Variants in DPP10 observed in about 807,000 individuals in gnomAD.
The protein encoded by DPP10 is dipeptidyl peptidase like 10.
In DPP10, 33 loss-of-function variants were observed where a neutral mutation model predicts 120.9. That is an observed-to-expected ratio of 0.27 (90% CI 0.21 to 0.37). DPP10 has a LOEUF of 0.37. DPP10 is among the 10% of genes least tolerant of loss of function. The pLI is 1.00. For missense variants in DPP10, 816 were observed against 942.8 expected, an observed-to-expected ratio of 0.87 and a Z score of 1.76; for synonymous variants, 337 against 326.1, an observed-to-expected ratio of 1.03 and a Z score of -0.36.
At chr2:115,381,130 T>C in intron 3 of DPP10, among the ~76,000 whole-genome samples, 1 of 152,350 alleles carries the variant, frequency 6.6e-6, no homozygotes, top group African/African-American at 2.4e-5. Flanking sequence ...TTCTCCTGGA[T>C]AATATCCTGC....
chr2:115,215,639 G>A (rs956173957), intron 1 of DPP10, among the ~76,000 whole-genome samples: 39 of 151,560 alleles, frequency 2.6e-4, no homozygotes, highest in African/African-American at 9.0e-4. Flanking sequence ...TGGAGAAAAG[G>A]GAACATATAC....
intron 1 of DPP10, among the ~76,000 whole-genome samples, chr2:115,000,016 G>GA (rs1553468220): frequency 1.3e-5 from 2 of 150,674 alleles, no homozygotes; most frequent in Non-Finnish European, 3.0e-5. Flanking sequence ...CAACCAATTA[G>GA]TTTTTTTTTA....
At chr2:115,059,842 T>A (rs564948789) in intron 1 of DPP10, among the ~76,000 whole-genome samples, 1 of 152,198 alleles carries the variant, frequency 6.6e-6, no homozygotes, top group East Asian at 1.9e-4. Flanking sequence ...TGATCTTTTT[T>A]GTTTAAGCCT....
intron 1 of DPP10, among the ~76,000 whole-genome samples, chr2:114,981,779 G>GTTTT (rs35685856): frequency 6.9e-6 from 1 of 145,838 alleles, no homozygotes. Flanking sequence ...TTTTGTTTTT[G>GTTTT]TTTTTTTTTT....
At chr2:115,518,007 T>C (rs1409636619) in intron 4 of DPP10, among the ~76,000 whole-genome samples, 2 of 152,202 alleles carry the variant, frequency 1.3e-5, no homozygotes, top group Non-Finnish European at 2.9e-5. Flanking sequence ...GCAGCCTGCA[T>C]GTGCAGAGAT....
intron 5 of DPP10, among the ~76,000 whole-genome samples, chr2:115,596,426 G>A (rs1229002250): frequency 6.6e-6 from 1 of 151,938 alleles, no homozygotes; most frequent in Non-Finnish European, 1.5e-5. Context: ...AGTAATTAGA[G>A]CTCTTTTACA....
intron 1 of DPP10, among the ~76,000 whole-genome samples, chr2:115,067,649 G>T (rs1707003546): frequency 6.8e-6 from 1 of 147,230 alleles, no homozygotes; most frequent in Non-Finnish European, 1.5e-5. Context: ...GGATCACGAG[G>T]TCAGGAGATG....
chr2:115,376,552 T>A (rs957521243), intron 3 of DPP10, among the ~76,000 whole-genome samples: 1 of 151,522 alleles, frequency 6.6e-6, no homozygotes, highest in African/African-American at 2.4e-5. Flanking sequence ...TAAATTTTAT[T>A]TATTTATTAT....
intron 1 of DPP10, among the ~76,000 whole-genome samples, chr2:114,476,592 T>C (rs6718856): frequency 0.12 from 18,261 of 152,186 alleles, 2,556 homozygotes; most frequent in African/African-American, 0.34. Flanking sequence ...TATAAAATAG[T>C]TCTTCTTGTG....
chr2:115,653,722 T>A (rs1201778708), intron 5 of DPP10, among the ~76,000 whole-genome samples: 2 of 151,906 alleles, frequency 1.3e-5, no homozygotes, highest in African/African-American at 4.8e-5. Context: ...GAAGGCAAGT[T>A]GATGTTGATG....
intron 1 of DPP10, among the ~76,000 whole-genome samples, chr2:115,257,617 T>C (rs2059060985): frequency 6.6e-6 from 1 of 152,204 alleles, no homozygotes; most frequent in South Asian, 2.1e-4. Flanking sequence ...CTGGGGATGA[T>C]ATCTGAGCAT....
intron 7 of DPP10, among the ~76,000 whole-genome samples, chr2:115,703,606 A>G (rs1444589027): frequency 6.6e-6 from 1 of 151,908 alleles, no homozygotes; most frequent in African/African-American, 2.4e-5. Flanking sequence ...TTGGGGGGAA[A>G]CTTCATATTG....
chr2:114,845,603 C>T (rs1325637565), intron 1 of DPP10, among the ~76,000 whole-genome samples: 1 of 152,180 alleles, frequency 6.6e-6, no homozygotes, highest in East Asian at 1.9e-4. Context: ...ACTTCAGTGT[C>T]GGCAGGCTCC....
chr2:115,253,439 T>C (rs1435256387), intron 1 of DPP10, among the ~76,000 whole-genome samples: 2 of 152,120 alleles, frequency 1.3e-5, no homozygotes, highest in Non-Finnish European at 2.9e-5. Flanking sequence ...CAGCATTAAC[T>C]CAAAAGTCCT....
At chr2:115,423,559 G>C (rs2070180310) in intron 3 of DPP10, among the ~76,000 whole-genome samples, 1 of 152,070 alleles carries the variant, frequency 6.6e-6, no homozygotes, top group Non-Finnish European at 1.5e-5. Context: ...ACTAACAAAT[G>C]ACAAAAAGAA....
intron 7 of DPP10, among the ~76,000 whole-genome samples, chr2:115,714,018 T>C (rs895913375): frequency 1.3e-5 from 2 of 152,224 alleles, no homozygotes; most frequent in African/African-American, 4.8e-5. Flanking sequence ...ATTTGGACTT[T>C]CCTGTAAAGT....
intron 1 of DPP10, among the ~76,000 whole-genome samples, chr2:114,606,483 C>G (rs1027449829): frequency 4.6e-5 from 7 of 152,196 alleles, no homozygotes; most frequent in African/African-American, 1.7e-4. Flanking sequence ...CTAGGTTTAT[C>G]AATATTCTGG....
At chr2:115,668,267 G>A (rs1012430006) in intron 5 of DPP10, among the ~76,000 whole-genome samples, 3 of 107,852 alleles carry the variant, frequency 2.8e-5, no homozygotes, top group African/African-American at 1.7e-4. Context: ...TTTTAACAGT[G>A]TGGAGAAGTG....
intron 1 of DPP10, among the ~76,000 whole-genome samples, chr2:114,469,095 G>A (rs1459181045): frequency 6.6e-6 from 1 of 150,772 alleles, no homozygotes; most frequent in African/African-American, 2.4e-5. Context: ...ATTATGAACA[G>A]TGGAAGGAGG....
Sources: allele counts gnomAD v4.1 joint callset (sites outside exome capture counted in the v4.1 genomes callset), GRCh38; gene constraint gnomAD v4.1.1; transcripts MANE v1.5; gene names NCBI Gene and HGNC (gene_info 2026-07-23, HGNC 2026-07-21).